The following MLLT1 variants were observed in gnomAD, a reference collection of about 807,000 sequenced individuals.
The protein encoded by MLLT1 is MLLT1 super elongation complex subunit, also known as protein ENL.
A neutral mutation model predicts 55.1 loss-of-function variants in MLLT1; 11 were observed. The ratio of observed to expected loss-of-function variants is 0.20; its 90% CI spans 0.13 to 0.33. MLLT1 has a LOEUF of 0.33. Among genes scored for constraint, MLLT1 ranks in the 10% least tolerant of loss-of-function variants. The probability of loss-of-function intolerance (pLI) is 1.00; values close to 1 mark genes in which losing one functional copy is unlikely to be tolerated. For synonymous variants in MLLT1, 323 were observed against 320.1 expected (o/e 1.01, Z -0.10); for missense variants, 536 against 760.6 (o/e 0.70, Z 3.47).
intron 3 of MLLT1, among the ~76,000 whole-genome samples, chr19:6,232,215 G>A (rs565528212): frequency 8.5e-5 from 13 of 152,288 alleles, no homozygotes; most frequent in African/African-American, 2.6e-4. Context: ...CAGCCTGGGC[G>A]ACAGAGAAAG....
At position 6,212,112 on chromosome 19, in the gene MLLT1, T is replaced by C; in HGVS notation, c.*930A>G. 9.4e-7 allele frequency: 1 copy of C among 1,066,352 alleles called. No individual in the cohort carries two copies. The highest frequency in any genetic ancestry group is 1.1e-6 in the Non-Finnish European group (1 of 879,678). The allele number at this position is 1,066,352 out of a possible 1,614,324, so 66.1% of individuals were successfully genotyped here. On this transcript the variant is annotated 3_prime_UTR_variant, in exon 12 of 12. Transcript: ENST00000252674. ...TGAATGAAAGAGAGGAAGAGGAGCC[T>C]ATGGGAGGAGGCCGAGCCCCAGGGC...
In MLLT1 at chr19:6,226,127, C is replaced by T. The variant is rs1303346913; in HGVS notation, c.546+850G>A. 2.0e-5 allele frequency among the ~76,000 whole-genome samples: 3 copies of T among 152,328 alleles called. No homozygotes were observed. The East Asian group carries it at 5.8e-4, about 29-fold the overall frequency. ...GAGGCAGCTGGAGAGCCCTGCCTGTCCTGCCTGGGATGGCTGGGCCCACAC... is the reference window on the plus strand; with the variant it reads ...GAGGCAGCTGGAGAGCCCTGCCTGTTCTGCCTGGGATGGCTGGGCCCACAC... On this transcript the variant is annotated intron_variant, in intron 5 of 11. Transcript: ENST00000252674. This position sits in a 1 kb window ranked among gnomAD's most constrained non-coding sequence, Gnocchi z 6.3.
chr19:6,261,213 GC>G (rs2091302005), intron 3 of MLLT1, among the ~76,000 whole-genome samples: 1 of 152,232 alleles, frequency 6.6e-6, no homozygotes, highest in African/African-American at 2.4e-5. Flanking sequence ...TCCCAGCGGG[GC>G]CTCAATTCCA....
At chr19:6,241,623 A>T (rs2091113839) in intron 3 of MLLT1, among the ~76,000 whole-genome samples, 1 of 152,172 alleles carries the variant, frequency 6.6e-6, no homozygotes, top group Admixed American at 6.5e-5. Context: ...TGGCGGGCGC[A>T]GGGTTGCGCA....
chr19:6,276,785 AC>A (rs1430600293), intron 1 of MLLT1, among the ~76,000 whole-genome samples: 6 of 152,102 alleles, frequency 3.9e-5, no homozygotes, highest in Non-Finnish European at 7.4e-5. Context: ...ACCAGCACAG[AC>A]TTGGGGCGGA....
chr19:6,232,385 A>C (rs952302353), intron 3 of MLLT1, among the ~76,000 whole-genome samples: 1 of 152,200 alleles, frequency 6.6e-6, no homozygotes, highest in African/African-American at 2.4e-5. Flanking sequence ...CTGGATACCC[A>C]CCCGGGGGAG....
In MLLT1 at chr19:6,231,446, G is replaced by A. The variant is rs138809231; in HGVS notation, c.277-733C>T. On this transcript the variant is annotated intron_variant, in intron 3 of 11. Coordinates refer to ENST00000252674, the MANE Select transcript of MLLT1 (RefSeq NM_005934.4). This position sits in a 1 kb window ranked among gnomAD's most constrained non-coding sequence, Gnocchi z 5.1. ...GCTTGCAGGAAGGAGCTGTCTGCAC[G>A]GGCTCCTGTGGAGGCCTAGCCACAT... is the stretch of plus-strand genomic sequence containing the variant. 3.3e-3 allele frequency among the ~76,000 whole-genome samples: 505 copies of A among 152,282 alleles called. 2 individuals carry two copies. The highest frequency in any genetic ancestry group is 0.011 in the African/African-American group (464 of 41,546).
chr19:6,239,572 T>TAA (rs2091096328), intron 3 of MLLT1, among the ~76,000 whole-genome samples: 1 of 151,610 alleles, frequency 6.6e-6, no homozygotes, highest in South Asian at 2.1e-4. Context: ...CACCCACACT[T>TAA]ACCCACATGC....
In MLLT1 at chr19:6,262,270, G is replaced by A. The variant is rs199516291; in HGVS notation, c.234C>T (p.Tyr78=). 3.6e-5 allele frequency: 58 copies of A among 1,613,928 alleles called. No homozygotes were observed. The highest frequency in any genetic ancestry group is 3.3e-4 in the Middle Eastern group (2 of 6,062). ...CCTCGATGGGCATGATGAAGCCAGC[G>A]TACCCCGACTCCTCTACTTTGTAGG... ...EPPYKVEESG[Y]AGFIMPIEVH... is the part of the protein sequence containing the mutation. Residue 78 remains tyrosine, a synonymous_variant, in exon 3 of 12, where the codon TAC becomes TAT. Coordinates refer to ENST00000252674, the MANE Select transcript of MLLT1 (RefSeq NM_005934.4). This position sits in a 1 kb window ranked among gnomAD's most constrained non-coding sequence, Gnocchi z 4.4.
At chr19:6,264,251 C>T (rs2091328466) in intron 2 of MLLT1, among the ~76,000 whole-genome samples, 2 of 151,454 alleles carry the variant, frequency 1.3e-5, no homozygotes, top group South Asian at 2.1e-4. Flanking sequence ...CTCCACCCCT[C>T]CCCACCCCAG....
intron 3 of MLLT1, among the ~76,000 whole-genome samples, chr19:6,234,704 C>A (rs2091043443): frequency 6.6e-6 from 1 of 152,158 alleles, no homozygotes; most frequent in Non-Finnish European, 1.5e-5. Flanking sequence ...AGTGCCACTG[C>A]ATGTCCACAA....
At chr19:6,214,084 G>T in intron 8 of MLLT1, 46 bp from the exon 9 acceptor site, 1 of 1,229,646 alleles carries the variant, frequency 8.1e-7, no homozygotes. Flanking sequence ...CGCCACCACG[G>T]CCCCCACCCC....
At position 6,222,613 on chromosome 19, in the gene MLLT1, G is replaced by C. The variant is rs751314503; in HGVS notation, c.618C>G (p.Arg206=). Residue 206 remains arginine, a synonymous_variant, in exon 6 of 12, where the codon CGC becomes CGG. Transcript: ENST00000252674. This position sits in a 1 kb window ranked among gnomAD's most constrained non-coding sequence, Gnocchi z 4.1. ...AGGAGCTCTTGCTCTCGGAGTCTTT[G>C]CGGGGCCGCTCCCGGTGCTCCTTGG... ...KVTKEHRERP[R]KDSESKSSSK... 2.5e-6 allele frequency: 4 copies of C among 1,594,512 alleles called. No individual in the cohort carries two copies. The South Asian group carries it at 4.4e-5, about 18-fold the overall frequency.
Position 6,210,847 on chromosome 19 carries a change from A to T in MLLT1, c.*2195T>A. 4.3e-6 allele frequency: 1 copy of T among 230,044 alleles called. No individual in the cohort carries two copies. Among genetic ancestry groups the T allele is most frequent in the Non-Finnish European group, 8.6e-6 (1 of 115,998 alleles). The allele number at this position is 230,044 out of a possible 1,614,324, so 14.3% of individuals were successfully genotyped here. ...GCCCATGCTGCCCAGCACGTCCATC[A>T]GGTGGTCACGGAGCCAGCCCTGGGC... is the stretch of plus-strand genomic sequence containing the variant. On this transcript the variant is annotated 3_prime_UTR_variant, in exon 12 of 12. Coordinates refer to ENST00000252674, the MANE Select transcript of MLLT1 (RefSeq NM_005934.4). The surrounding 1 kb of genome is among the most constrained non-coding windows in gnomAD (Gnocchi z 4.6).
chr19:6,216,876 G>A (rs922602441), intron 7 of MLLT1: 11 of 225,550 alleles, frequency 4.9e-5, no homozygotes, highest in Admixed American at 2.7e-4. Context: ...CAGGGAGGGC[G>A]AGGGAGCCAC....
At chr19:6,244,441 GTCTCCC>G (rs1568287159) in intron 3 of MLLT1, among the ~76,000 whole-genome samples, 1 of 151,460 alleles carries the variant, frequency 6.6e-6, no homozygotes, top group African/African-American at 2.4e-5. Flanking sequence ...CCCTTTGACA[GTCTCCC>G]CCGCCTCTCT....
At chr19:6,258,599 C>T (rs139629770) in intron 3 of MLLT1, among the ~76,000 whole-genome samples, 1 of 152,326 alleles carries the variant, frequency 6.6e-6, no homozygotes, top group East Asian at 1.9e-4. Flanking sequence ...ACAGGTCAAA[C>T]AAAATGCGGC....
At chr19:6,228,901 T>TG (rs1450129498) in intron 4 of MLLT1, among the ~76,000 whole-genome samples, 1 of 152,090 alleles carries the variant, frequency 6.6e-6, no homozygotes, top group Non-Finnish European at 1.5e-5. Context: ...TGCTTCAGCC[T>TG]GCGCGTCTCT....
intron 8 of MLLT1, among the ~76,000 whole-genome samples, chr19:6,214,777 C>T (rs1383800368): frequency 3.9e-5 from 6 of 152,212 alleles, no homozygotes; most frequent in African/African-American, 1.2e-4. Flanking sequence ...CTTCACAACA[C>T]GTTTAAAACA....
Sources: allele counts gnomAD v4.1 joint callset (sites outside exome capture counted in the v4.1 genomes callset), GRCh38; gene constraint gnomAD v4.1.1; non-coding constraint Gnocchi (gnomAD v3.1); transcripts MANE v1.5; gene names NCBI Gene and HGNC (gene_info 2026-07-23, HGNC 2026-07-21).